The following FLRT2 variants were observed in gnomAD, a reference collection of about 807,000 sequenced individuals.
FLRT2 encodes the protein leucine-rich repeat transmembrane protein FLRT2.
A neutral mutation model predicts 40.0 loss-of-function variants in FLRT2; 15 were observed. The observed-to-expected ratio is 0.38, with a 90% CI of 0.25 to 0.58. The LOEUF is 0.58. Ranked by LOEUF, FLRT2 falls within the 20% of genes least tolerant of loss-of-function variation. The pLI, the probability that FLRT2 is intolerant of heterozygous loss-of-function variation, is 0.71. For missense variants in FLRT2, 726 were observed against 840.0 expected (o/e 0.86, Z 1.68); for synonymous variants, 380 against 336.8 (o/e 1.13, Z -1.41).
rs1277749841 is a variant in FLRT2 at position 85,628,484 on chromosome 14, G to A, written c.*4987G>A. 6.6e-6 allele frequency: 1 copy of A among 152,106 alleles called. No homozygotes were observed. The highest frequency in any genetic ancestry group is 1.5e-5 in the Non-Finnish European group (1 of 68,030). 9.4% of individuals were successfully genotyped at this position (152,106 alleles called of 1,614,324 possible). ...TCAGATTTCTTTAAGAATTCTCATA[G>A]TACTTTTCTGCCGCAGAATTTATAG... On this transcript the variant is annotated 3_prime_UTR_variant, in exon 2 of 2. Coordinates refer to ENST00000330753, the MANE Select transcript of FLRT2 (RefSeq NM_013231.6).
chr14:85,560,513 G>A (rs144235597), intron 1 of FLRT2, among the ~76,000 whole-genome samples: 7,471 of 152,014 alleles, frequency 0.049, 247 homozygotes, highest in East Asian at 0.17. Flanking sequence ...CTCGGGAGGC[G>A]GAGGTTGCAG....
rs771946414 is a variant in FLRT2 at position 85,623,125 on chromosome 14, G to A, written c.1611G>A (p.Met537Ile). The A allele has an allele frequency of 6.2e-7, 1 of 1,606,756 alleles. No homozygotes were observed. The highest frequency in any genetic ancestry group is 8.5e-7 in the Non-Finnish European group (1 of 1,175,614). ...ATGAGCAGACGACGTCCCACAGCAT[G>A]GGCTCCCCCTTTCTGCTGGCGGGCT... ...SSHEQTTSHS[M>I]GSPFLLAGLI... Residue 537 changes from methionine to isoleucine, a missense_variant, in exon 2 of 2, where the codon ATG (methionine) becomes ATA (isoleucine). By Grantham distance (10) the Met-to-Ile change is conservative. Transcript: ENST00000330753.
rs1238405565 is a variant in FLRT2, at chr14:85,647,740, A to G, written c.*24243A>G. ...TAAGAACTTCCATGCTTTTTTGTCA[A>G]GTTAAATGGACAACTATCGCAACCA... On this transcript the variant is annotated 3_prime_UTR_variant, in exon 2 of 2. Transcript: ENST00000330753. 1 of 152,178 alleles carries G rather than the reference A, an allele frequency of 6.6e-6. No individual in the cohort carries two copies. Among genetic ancestry groups the G allele is most frequent in the Non-Finnish European group, 1.5e-5 (1 of 68,040 alleles). 9.4% of individuals were successfully genotyped at this position (152,178 alleles called of 1,614,324 possible).
intron 1 of FLRT2, among the ~76,000 whole-genome samples, chr14:85,609,613 G>T (rs2753615): frequency 0.85 from 129,590 of 152,176 alleles, 55,252 homozygotes; most frequent in East Asian, 0.93. Context: ...AAGTAACTCC[G>T]TTAGGAGACT....
chr14:85,639,843 TTTTTTTCC>T lies in FLRT2; in HGVS notation c.*16353_*16360del, dbSNP rs1481337273. ...CACTAGCAGAAATTCTTTATTTTTT[TTTTTTTCC>T]TTTTTTTTTTTTTTTGAGACAGTGT... On this transcript the variant is annotated 3_prime_UTR_variant, in exon 2 of 2. Transcript: ENST00000330753. 14 of 103,772 alleles carry T rather than the reference TTTTTTTCC, an allele frequency of 1.3e-4. No individual in the cohort carries two copies. Among genetic ancestry groups the T allele is most frequent in the African/African-American group, 5.8e-4 (14 of 24,208 alleles). The allele number at this position is 103,772 out of a possible 1,614,324, so 6.4% of individuals were successfully genotyped here.
rs1894194427 is a variant in FLRT2, at chr14:85,643,256, A to G, written c.*19759A>G. ...ATATGATTCACTTTAATGTCTAAAA[A>G]CATCTCATGAGAGAGTTCAGAGGGT... is the stretch of plus-strand genomic sequence containing the variant. On this transcript the variant is annotated 3_prime_UTR_variant, in exon 2 of 2. Transcript: ENST00000330753. The G allele has an allele frequency of 6.6e-6, 1 of 151,914 alleles. No individual in the cohort carries two copies. Among genetic ancestry groups the G allele is most frequent in the Non-Finnish European group, 1.5e-5 (1 of 67,984 alleles). The allele number at this position is 151,914 out of a possible 1,614,324, so 9.4% of individuals were successfully genotyped here.
intron 1 of FLRT2, among the ~76,000 whole-genome samples, chr14:85,573,578 T>C (rs1890994301): frequency 6.6e-6 from 1 of 152,138 alleles, no homozygotes; most frequent in Admixed American, 6.5e-5. Context: ...CTCAGCTCCT[T>C]CTACTGGGTG....
chr14:85,552,263 A>G (rs1322028126), intron 1 of FLRT2, among the ~76,000 whole-genome samples: 1 of 152,180 alleles, frequency 6.6e-6, no homozygotes, highest in Non-Finnish European at 1.5e-5. Flanking sequence ...TTGGGTTTGT[A>G]GGTACCTTCG....
chr14:85,579,879 C>G (rs1258846271), intron 1 of FLRT2, among the ~76,000 whole-genome samples: 2 of 149,290 alleles, frequency 1.3e-5, no homozygotes, highest in Admixed American at 1.3e-4. Context: ...TCCACCAATA[C>G]TCTAGATTGG....
At chr14:85,568,701 C>A (rs1217917020) in intron 1 of FLRT2, among the ~76,000 whole-genome samples, 1 of 152,122 alleles carries the variant, frequency 6.6e-6, no homozygotes, top group African/African-American at 2.4e-5. Flanking sequence ...ATTAATGAGG[C>A]CACTTCACTA....
In FLRT2 at chr14:85,650,840, T is replaced by G. The variant is rs1894414424; in HGVS notation, c.*27343T>G. 1 of 151,806 alleles carries G rather than the reference T, an allele frequency of 6.6e-6. No homozygotes were observed. The highest frequency in any genetic ancestry group is 2.1e-4 in the South Asian group (1 of 4,812). 9.4% of individuals were successfully genotyped at this position (151,806 alleles called of 1,614,324 possible). A position where few individuals can be genotyped will look rare whatever the true frequency, so the allele number is the denominator to read the frequency against. On this transcript the variant is annotated 3_prime_UTR_variant, in exon 2 of 2. Transcript: ENST00000330753. ...ATATTCTTTGCAATAATTATTAAAA[T>G]TTTCTTTTTCTTTTCTTTTTTTAAG... is the stretch of plus-strand genomic sequence containing the variant.
chr14:85,549,648 A>G (rs556866753), intron 1 of FLRT2, among the ~76,000 whole-genome samples: 16 of 152,256 alleles, frequency 1.1e-4, no homozygotes, highest in Admixed American at 9.8e-4. Flanking sequence ...TACTTCCTCA[A>G]TTTTTCAGTA....
chr14:85,587,372 C>T (rs886415069), intron 1 of FLRT2, among the ~76,000 whole-genome samples: 5 of 151,714 alleles, frequency 3.3e-5, no homozygotes, highest in African/African-American at 4.8e-5. Flanking sequence ...GTGCCAATAG[C>T]GCCAAAGAAT....
Position 85,594,433 on chromosome 14 carries a change from G to A in FLRT2, c.-376-26706G>A, listed in dbSNP as rs149679531. Among the ~76,000 whole-genome samples the A allele has an allele frequency of 3.2e-3, 489 of 152,168 alleles. 2 individuals are homozygous for A. The highest frequency in any genetic ancestry group is 0.015 in the South Asian group (73 of 4,818). On this transcript the variant is annotated intron_variant, in intron 1 of 1. Coordinates refer to ENST00000330753, the MANE Select transcript of FLRT2 (RefSeq NM_013231.6). ...CCACTCCCAGAGATGTGTGTGTGCC[G>A]CTCCCTCATACCTGTAAGTCTCAAC...
chr14:85,535,364 A>AAC (rs1306679240), intron 1 of FLRT2, among the ~76,000 whole-genome samples: 4 of 148,576 alleles, frequency 2.7e-5, no homozygotes, highest in African/African-American at 7.4e-5. Flanking sequence ...CAAAAAAAAA[A>AAC]AACAACAACA....
intron 1 of FLRT2, among the ~76,000 whole-genome samples, chr14:85,594,104 A>G (rs186684903): frequency 1.3e-5 from 2 of 152,264 alleles, no homozygotes; most frequent in Admixed American, 1.3e-4. Flanking sequence ...GTCATCTTAT[A>G]TATTGTGGAT....
At chr14:85,593,480 T>TTCGATAAGATG (rs1232922402) in intron 1 of FLRT2, among the ~76,000 whole-genome samples, 1 of 152,068 alleles carries the variant, frequency 6.6e-6, no homozygotes. Flanking sequence ...ACTCTGTTGA[T>TTCGATAAGATG]TGAAAATGTG....
At position 85,654,155 on chromosome 14, in the gene FLRT2, T is replaced by C. The variant is rs1894495962; in HGVS notation, c.*30658T>C. 1 of 151,214 alleles carries C rather than the reference T, an allele frequency of 6.6e-6. No homozygotes were observed. Among genetic ancestry groups the C allele is most frequent in the Non-Finnish European group, 1.5e-5 (1 of 67,824 alleles). 9.4% of individuals were successfully genotyped at this position (151,214 alleles called of 1,614,324 possible). A position where few individuals can be genotyped will look rare whatever the true frequency, so the allele number is the denominator to read the frequency against. ...TGCCAAACTTGCTCTGCTGAGTTCC[T>C]GGTGGAATGAAAAGACTGTCTTTTT... On this transcript the variant is annotated 3_prime_UTR_variant, in exon 2 of 2. Transcript: ENST00000330753.
At chr14:85,562,396 T>A (rs2139847019) in intron 1 of FLRT2, among the ~76,000 whole-genome samples, 1 of 152,350 alleles carries the variant, frequency 6.6e-6, no homozygotes, top group Non-Finnish European at 1.5e-5. Context: ...GACCCGTGTT[T>A]CAATGCAATC....
Sources: allele counts gnomAD v4.1 joint callset (sites outside exome capture counted in the v4.1 genomes callset), GRCh38; gene constraint gnomAD v4.1.1; transcripts MANE v1.5; gene names NCBI Gene and HGNC (gene_info 2026-07-23, HGNC 2026-07-21).